Variants in KIZ observed in about 807,000 individuals in gnomAD.
KIZ encodes kizuna centrosomal protein, also known as centrosomal protein kizuna.
KIZ carries 68 observed loss-of-function variants against 79.6 expected under a neutral mutation model. That is an observed-to-expected ratio of 0.85 (90% CI 0.70 to 1.05). The LOEUF (loss-of-function observed/expected upper bound fraction) is 1.05. KIZ is among the 50% of genes least tolerant of loss of function. KIZ has a pLI of 0.00. For synonymous variants in KIZ, 280 were observed against 281.8 expected, an observed-to-expected ratio of 0.99 and a Z score of 0.06; for missense variants, 797 against 800.4, an observed-to-expected ratio of 1.00 and a Z score of 0.05.
chr20:21,166,443 T>C (rs962831364), intron 6 of KIZ: 1 of 1,592,396 alleles, frequency 6.3e-7, no homozygotes, highest in Non-Finnish European at 8.6e-7. Flanking sequence ...TCATCAATGA[T>C]TTCAAATTCG....
upstream of KIZ, chr20:21,126,045 G>T: frequency 7.1e-7 from 1 of 1,412,374 alleles, no homozygotes; most frequent in Non-Finnish European, 9.2e-7. Context: ...GCATGGTGGG[G>T]CGGTCTCCTT....
chr20:21,166,019 T>G (rs1372034065), intron 6 of KIZ, among the ~76,000 whole-genome samples: 1 of 152,040 alleles, frequency 6.6e-6, no homozygotes, highest in African/African-American at 2.4e-5. Flanking sequence ...CAGGCTGGAG[T>G]GCAATGGCGC....
chr20:21,184,992 A>G (rs1600481632), intron 6 of KIZ, among the ~76,000 whole-genome samples: 3 of 152,232 alleles, frequency 2.0e-5, no homozygotes, highest in Non-Finnish European at 4.4e-5. Flanking sequence ...ACAGTGAGCT[A>G]TGATTGCATC....
chr20:21,214,138 G>A (rs2036187121), intron 7 of KIZ: 1 of 155,670 alleles, frequency 6.4e-6, no homozygotes. Context: ...CTAGAAAATA[G>A]GATTCATGTA....
intron 9 of KIZ, among the ~76,000 whole-genome samples, chr20:21,222,201 T>A (rs1487466715): frequency 6.6e-6 from 1 of 152,246 alleles, no homozygotes; most frequent in Non-Finnish European, 1.5e-5. Flanking sequence ...GGTACTTTTC[T>A]GAAGGGTCTT....
intron 6 of KIZ, among the ~76,000 whole-genome samples, chr20:21,188,590 C>T (rs555629116): frequency 6.6e-4 from 99 of 150,784 alleles, no homozygotes; most frequent in Non-Finnish European, 1.1e-3. Context: ...ACACCCTCCA[C>T]ATTTTTTTTT....
At chr20:21,228,675 G>A (rs2036732297) in intron 9 of KIZ, among the ~76,000 whole-genome samples, 1 of 152,114 alleles carries the variant, frequency 6.6e-6, no homozygotes, top group African/African-American at 2.4e-5. Context: ...AGGAAGACTT[G>A]CTTTCTCTTC....
At position 21,184,105 on chromosome 20, in the gene KIZ, G is replaced by C. The variant is rs144745848; in HGVS notation, c.1352+20946G>C. On this transcript the variant is annotated intron_variant, in intron 6 of 12. Transcript: ENST00000619189. ...AACTGGGTTCTGTTAATGGTTGCCA[G>C]GTGGCAGACCCAACACTTTCCTTCT... Among the ~76,000 whole-genome samples, 250 of 152,182 alleles carry C rather than the reference G, an allele frequency of 1.6e-3. 1 individual carries two copies. Among genetic ancestry groups the C allele is most frequent in the African/African-American group, 5.9e-3 (247 of 41,546 alleles).
chr20:21,127,429 T>A (rs186535389), intron 1 of KIZ, among the ~76,000 whole-genome samples: 1 of 152,362 alleles, frequency 6.6e-6, no homozygotes, highest in Admixed American at 6.5e-5. Flanking sequence ...TTTTGTTTCC[T>A]GTGCTAGGAA....
intron 1 of KIZ, among the ~76,000 whole-genome samples, chr20:21,128,535 A>G (rs557330207): frequency 7.2e-4 from 110 of 152,360 alleles, no homozygotes; most frequent in African/African-American, 2.6e-3. Context: ...AATAACCAGC[A>G]TATTTCCAGC....
chr20:21,198,115 T>G (rs2035427341), intron 6 of KIZ: 1 of 152,222 alleles, frequency 6.6e-6, no homozygotes, highest in Non-Finnish European at 1.5e-5. Context: ...CAGGCTGGAG[T>G]GCAGTGGCGT....
At chr20:21,244,349 C>A in intron 12 of KIZ, 61 bp downstream of exon 12, 2 of 1,215,848 alleles carry the variant, frequency 1.6e-6, no homozygotes, top group East Asian at 2.3e-5. Context: ...AACTCTGTGA[C>A]ATGCATTTGT....
intron 8 of KIZ, among the ~76,000 whole-genome samples, chr20:21,214,975 C>T (rs917949618): frequency 6.6e-6 from 1 of 152,130 alleles, no homozygotes; most frequent in Non-Finnish European, 1.5e-5. Context: ...CAAAACTAAT[C>T]GCTTGGCAGT....
intron 11 of KIZ, among the ~76,000 whole-genome samples, chr20:21,235,871 TGGC>T (rs1213989089): frequency 6.6e-6 from 1 of 152,256 alleles, no homozygotes; most frequent in Admixed American, 6.5e-5. Flanking sequence ...GATGCTCTGA[TGGC>T]GGTGGCATTT....
intron 4 of KIZ, among the ~76,000 whole-genome samples, chr20:21,147,995 G>GTGTGTGTGT (rs1555874718): frequency 1.7e-4 from 25 of 151,098 alleles, no homozygotes; most frequent in South Asian, 4.3e-4. Flanking sequence ...GTGTGTGTGT[G>GTGTGTGTGT]GCAGCAGATG....
At chr20:21,212,533 C>T (rs770339119) in intron 7 of KIZ, among the ~76,000 whole-genome samples, 2 of 152,228 alleles carry the variant, frequency 1.3e-5, no homozygotes, top group Non-Finnish European at 2.9e-5. Context: ...CAAAGCTTAA[C>T]TATGATGTTC....
At chr20:21,230,114 A>C (rs1448123900) in intron 10 of KIZ, among the ~76,000 whole-genome samples, 1 of 152,218 alleles carries the variant, frequency 6.6e-6, no homozygotes, top group African/African-American at 2.4e-5. Flanking sequence ...CATCTAGCAG[A>C]ATGAACAGTG....
intron 4 of KIZ, among the ~76,000 whole-genome samples, chr20:21,149,517 A>C (rs1407016939): frequency 6.6e-6 from 1 of 152,224 alleles, no homozygotes; most frequent in African/African-American, 2.4e-5. Flanking sequence ...CTGCACGGCC[A>C]CAGGAGGCAG....
intron 11 of KIZ, among the ~76,000 whole-genome samples, chr20:21,234,926 T>G (rs2036956145): frequency 6.6e-6 from 1 of 152,148 alleles, no homozygotes; most frequent in Non-Finnish European, 1.5e-5. Flanking sequence ...CTGCACCTCA[T>G]TATGTGTGGG....
Sources: allele counts gnomAD v4.1 joint callset (sites outside exome capture counted in the v4.1 genomes callset), GRCh38; gene constraint gnomAD v4.1.1; transcripts MANE v1.5; gene names NCBI Gene and HGNC (gene_info 2026-07-23, HGNC 2026-07-21).